ATG10: variants seen among roughly 807,000 people sequenced by gnomAD.
The protein encoded by ATG10 is autophagy related 10.
In ATG10, 30 loss-of-function variants were observed where a neutral mutation model predicts 32.1. That is an observed-to-expected ratio of 0.94 (90% CI 0.70 to 1.27). ATG10 has a LOEUF of 1.27. Among genes scored for constraint, ATG10 ranks in the 50% most tolerant of loss-of-function variants. The pLI is 0.00. For synonymous variants in ATG10, 87 were observed against 91.5 expected (o/e 0.95, Z 0.28); for missense variants, 233 against 262.3 (o/e 0.89, Z 0.77).
intron 4 of ATG10, among the ~76,000 whole-genome samples, chr5:82,165,681 T>C (rs1743546303): frequency 6.6e-6 from 1 of 152,220 alleles, no homozygotes; most frequent in Non-Finnish European, 1.5e-5. Context: ...ATATAATTAT[T>C]ACAAGCCTTT....
Position 81,975,673 on chromosome 5 carries a change from C to A in ATG10, c.-13+3367C>A, listed in dbSNP as rs1760849831. 2.0e-5 allele frequency among the ~76,000 whole-genome samples: 3 copies of A among 149,860 alleles called. No homozygotes were observed. In the South Asian group the frequency reaches 6.3e-4, roughly 31 times the overall value. ...CTCCAACCTGGGTGACATAGTGAGACCCCCCTCTCAAAAAAAAAAAGTGTC... is the reference window on the plus strand; with the variant it reads ...CTCCAACCTGGGTGACATAGTGAGAACCCCCTCTCAAAAAAAAAAAGTGTC... On this transcript the variant is annotated intron_variant, in intron 1 of 7. Coordinates refer to ENST00000282185, the MANE Select transcript of ATG10 (RefSeq NM_031482.5).
intron 3 of ATG10, among the ~76,000 whole-genome samples, chr5:82,150,549 C>G (rs1479008266): frequency 1.3e-5 from 2 of 152,102 alleles, no homozygotes; most frequent in Non-Finnish European, 2.9e-5. Flanking sequence ...AGTCCAATGC[C>G]CAGGCTTGGG....
At chr5:82,066,524 C>G (rs1024351928) in intron 3 of ATG10, among the ~76,000 whole-genome samples, 2 of 152,028 alleles carry the variant, frequency 1.3e-5, no homozygotes, top group Non-Finnish European at 2.9e-5. Context: ...GTCTTAGGGC[C>G]TTGTAGTTCA....
intron 2 of ATG10, among the ~76,000 whole-genome samples, chr5:82,058,067 A>C (rs183173868): frequency 2.6e-4 from 39 of 152,300 alleles, no homozygotes; most frequent in African/African-American, 8.2e-4. Flanking sequence ...TTTCATAGAG[A>C]TCTTGCCTTG....
chr5:81,979,534 A>C (rs1760973586), intron 1 of ATG10, among the ~76,000 whole-genome samples: 1 of 152,158 alleles, frequency 6.6e-6, no homozygotes, highest in Non-Finnish European at 1.5e-5. Flanking sequence ...TCTCAAAAAA[A>C]AAATGTTTAC....
chr5:82,060,981 A>G (rs1763748889), intron 3 of ATG10, among the ~76,000 whole-genome samples: 1 of 152,218 alleles, frequency 6.6e-6, no homozygotes, highest in Admixed American at 6.5e-5. Context: ...ATTCTTTTTA[A>G]AATTTATCTC....
intron 3 of ATG10, among the ~76,000 whole-genome samples, chr5:82,077,485 G>GT (rs1426338733): frequency 6.6e-6 from 1 of 152,028 alleles, no homozygotes; most frequent in African/African-American, 2.4e-5. Context: ...TGGATGTCCT[G>GT]TTTAACTCAG....
intron 3 of ATG10, among the ~76,000 whole-genome samples, chr5:82,075,825 C>G (rs1031618508): frequency 6.6e-6 from 1 of 151,998 alleles, no homozygotes; most frequent in African/African-American, 2.4e-5. Flanking sequence ...ATTTCAGCTA[C>G]TCGGGAGGCT....
intron 3 of ATG10, among the ~76,000 whole-genome samples, chr5:82,087,004 A>G (rs536708740): frequency 6.6e-6 from 1 of 152,192 alleles, no homozygotes; most frequent in African/African-American, 2.4e-5. Flanking sequence ...TCTTTTCAAA[A>G]TAATTGCCTT....
At chr5:82,110,053 GGTTTTTTGTCCTTGTGACA>G (rs1408920492) in intron 3 of ATG10, among the ~76,000 whole-genome samples, 1 of 150,786 alleles carries the variant, frequency 6.6e-6, no homozygotes, top group Non-Finnish European at 1.5e-5. Context: ...TGCGGTGTTT[GGTTTTTTGTCCTTGTGACA>G]GTTTGCTGAG....
intron 5 of ATG10, among the ~76,000 whole-genome samples, chr5:82,218,395 TAGGGAG>T (rs1395988989): frequency 2.0e-5 from 3 of 152,208 alleles, no homozygotes; most frequent in African/African-American, 7.2e-5. Context: ...ACTTTCATCC[TAGGGAG>T]TTTTTTTTGT....
rs544467198 is a variant in ATG10 at position 82,049,442 on chromosome 5, G to A, written c.109-9053G>A. Among the ~76,000 whole-genome samples the A allele has an allele frequency of 2.4e-3, 361 of 151,478 alleles. 1 individual carries two copies. The highest frequency in any genetic ancestry group is 4.3e-3 in the Non-Finnish European group (295 of 67,852). On this transcript the variant is annotated intron_variant, in intron 2 of 7. Coordinates refer to ENST00000282185, the MANE Select transcript of ATG10 (RefSeq NM_031482.5). ...GGAGGGAAAGCACTGGGAGATATAC[G>A]TAATGCTAGATGACGAGTTAGTGGG...
rs1045783821 is a variant in ATG10, at chr5:82,238,929, A to G, written c.454-13633A>G. ...TTAAAATATGCATCTTGGTGCATCA[A>G]TTTTCCACAATGGTAAAATAAGATA... On this transcript the variant is annotated intron_variant, in intron 5 of 7. Transcript: ENST00000282185. Among the ~76,000 whole-genome samples the G allele has an allele frequency of 1.2e-4, 18 of 152,180 alleles. 1 individual carries two copies. Among genetic ancestry groups the G allele is most frequent in the African/African-American group, 4.3e-4 (18 of 41,446 alleles).
chr5:82,032,529 A>G (rs1363036395), intron 2 of ATG10, among the ~76,000 whole-genome samples: 1 of 152,108 alleles, frequency 6.6e-6, no homozygotes, highest in Non-Finnish European at 1.5e-5. Context: ...AAAATTTCAT[A>G]AGGAAAGCAC....
At chr5:82,033,615 A>G (rs950299772) in intron 2 of ATG10, among the ~76,000 whole-genome samples, 42 of 151,554 alleles carry the variant, frequency 2.8e-4, no homozygotes, top group South Asian at 1.3e-3. Context: ...GGTTCTCTTC[A>G]TCTTCCAACA....
intron 3 of ATG10, among the ~76,000 whole-genome samples, chr5:82,074,937 T>C (rs967225802): frequency 6.6e-6 from 1 of 152,196 alleles, no homozygotes; most frequent in African/African-American, 2.4e-5. Flanking sequence ...GGTTTCAATG[T>C]AAATTGAATA....
At chr5:82,130,332 C>A (rs1252342411) in intron 3 of ATG10, among the ~76,000 whole-genome samples, 1 of 152,048 alleles carries the variant, frequency 6.6e-6, no homozygotes, top group African/African-American at 2.4e-5. Flanking sequence ...TGGCTTTAGC[C>A]CCCTTTTCAG....
At chr5:82,101,696 A>G (rs1028437878) in intron 3 of ATG10, among the ~76,000 whole-genome samples, 1 of 152,176 alleles carries the variant, frequency 6.6e-6, no homozygotes, top group Non-Finnish European at 1.5e-5. Context: ...AGAGGTACTG[A>G]TGTCACTGTT....
intron 5 of ATG10, among the ~76,000 whole-genome samples, chr5:82,229,593 A>C (rs1746265724): frequency 6.6e-6 from 1 of 152,198 alleles, no homozygotes; most frequent in South Asian, 2.1e-4. Context: ...AAGGAAAATA[A>C]AGCTTTTTAG....
Sources: gnomAD v4.1 joint callset for allele counts (sites outside exome capture counted in the v4.1 genomes callset) on GRCh38, gnomAD v4.1.1 for gene constraint, MANE v1.5 for transcripts, NCBI Gene and HGNC (gene_info 2026-07-23, HGNC 2026-07-21) for gene names.